The following EPHA6 variants were observed in gnomAD, a reference collection of about 807,000 sequenced individuals.
EPHA6 encodes the protein ephrin type-A receptor 6.
In EPHA6, 50 loss-of-function variants were observed where a neutral mutation model predicts 112.0. That is an observed-to-expected ratio of 0.45 (90% CI 0.36 to 0.56). EPHA6 has a LOEUF of 0.56. Ranked by LOEUF, EPHA6 falls within the 20% of genes least tolerant of loss-of-function variation. The pLI, the probability that EPHA6 is intolerant of heterozygous loss-of-function variation, is 0.00. For missense variants in EPHA6, 1,280 were observed against 1,417.4 expected (o/e 0.90, Z 1.56); for synonymous variants, 529 against 490.7 (o/e 1.08, Z -1.03).
At chr3:97,614,226 A>ATTT (rs2093744239) in intron 13 of EPHA6, among the ~76,000 whole-genome samples, 1 of 152,084 alleles carries the variant, frequency 6.6e-6, no homozygotes, top group Non-Finnish European at 1.5e-5. Context: ...ACATTTGTTG[A>ATTT]ATGTTAATTT....
chr3:96,943,274 G>A (rs891133941), intron 2 of EPHA6, among the ~76,000 whole-genome samples: 1 of 151,810 alleles, frequency 6.6e-6, no homozygotes, highest in Non-Finnish European at 1.5e-5. Flanking sequence ...CTAGAAGGGA[G>A]GATTTTGTAT....
chr3:96,839,094 T>G (rs1338981690), intron 1 of EPHA6, among the ~76,000 whole-genome samples: 1 of 152,164 alleles, frequency 6.6e-6, no homozygotes, highest in Non-Finnish European at 1.5e-5. Context: ...AACTATAAAT[T>G]GGAAATCCAA....
intron 5 of EPHA6, among the ~76,000 whole-genome samples, chr3:97,320,408 G>T (rs990795435): frequency 2.3e-4 from 35 of 151,652 alleles, no homozygotes; most frequent in Middle Eastern, 3.2e-3. Context: ...AAATGTAATT[G>T]GGGGTCTGAA....
intron 1 of EPHA6, among the ~76,000 whole-genome samples, chr3:96,841,197 AG>A (rs750553377): frequency 1.3e-5 from 2 of 152,130 alleles, no homozygotes; most frequent in Non-Finnish European, 2.9e-5. Flanking sequence ...GGGGACTTCC[AG>A]GTAATAGGTA....
intron 2 of EPHA6, among the ~76,000 whole-genome samples, chr3:96,876,927 C>T (rs1486480975): frequency 6.6e-6 from 1 of 152,038 alleles, no homozygotes; most frequent in Non-Finnish European, 1.5e-5. Context: ...CATATCATAG[C>T]ATTTATCTCA....
chr3:97,574,804 T>C (rs539215781), intron 11 of EPHA6, among the ~76,000 whole-genome samples: 2 of 152,108 alleles, frequency 1.3e-5, no homozygotes, highest in South Asian at 2.1e-4. Context: ...GCCAGTGATA[T>C]GTTAATTAAA....
intron 2 of EPHA6, among the ~76,000 whole-genome samples, chr3:96,888,241 C>T (rs886723196): frequency 1.2e-4 from 19 of 152,270 alleles, no homozygotes; most frequent in African/African-American, 3.8e-4. Context: ...GGCGACCCAG[C>T]GAGCTCACAG....
chr3:96,890,910 AC>A (rs1462196895), intron 2 of EPHA6, among the ~76,000 whole-genome samples: 7 of 152,120 alleles, frequency 4.6e-5, no homozygotes, highest in African/African-American at 1.7e-4. Context: ...ACATGGTGAA[AC>A]CCTGTCTCTA....
At chr3:97,409,145 A>G (rs570564811) in intron 6 of EPHA6, among the ~76,000 whole-genome samples, 1 of 152,106 alleles carries the variant, frequency 6.6e-6, no homozygotes, top group African/African-American at 2.4e-5. Context: ...AGCCAGCAAG[A>G]CTTTCTGTTT....
chr3:97,641,950 G>C (rs1365720045), intron 14 of EPHA6, among the ~76,000 whole-genome samples: 1 of 150,376 alleles, frequency 6.6e-6, no homozygotes, highest in Non-Finnish European at 1.5e-5. Context: ...AGCTCAAGGA[G>C]GCCTGCCTGC....
intron 5 of EPHA6, among the ~76,000 whole-genome samples, chr3:97,358,965 G>T (rs904177550): frequency 6.7e-6 from 1 of 149,432 alleles, no homozygotes; most frequent in African/African-American, 2.5e-5. Flanking sequence ...CTTCTCTTTT[G>T]CTATTTATAA....
chr3:97,677,937 G>T (rs1009211568), intron 14 of EPHA6, among the ~76,000 whole-genome samples: 2 of 151,954 alleles, frequency 1.3e-5, no homozygotes, highest in Non-Finnish European at 2.9e-5. Context: ...GAATTAAGGG[G>T]ACATTAATTC....
At chr3:97,284,018 T>G (rs2080379927) in intron 5 of EPHA6, among the ~76,000 whole-genome samples, 1 of 152,190 alleles carries the variant, frequency 6.6e-6, no homozygotes, top group Non-Finnish European at 1.5e-5. Flanking sequence ...ATAAAGTTTT[T>G]TCACAAATTC....
rs529812956 is a variant in EPHA6, at chr3:96,985,199, C to T, written c.451-2131C>T. ...ATTCAGCCATCTTGGAAACACCCCC[C>T]GGAATATAATTCTTTACTCCTATAT... On this transcript the variant is annotated intron_variant, in intron 2 of 17. Coordinates refer to ENST00000389672, the MANE Select transcript of EPHA6 (RefSeq NM_001080448.3). 2.6e-4 allele frequency among the ~76,000 whole-genome samples: 39 copies of T among 152,088 alleles called. No homozygotes were observed. The South Asian group carries it at 3.7e-3, about 15-fold the overall frequency.
chr3:97,231,839 G>A lies in EPHA6; in HGVS notation c.1270+5420G>A, dbSNP rs940807534. On this transcript the variant is annotated intron_variant, in intron 4 of 17. Coordinates refer to ENST00000389672, the MANE Select transcript of EPHA6 (RefSeq NM_001080448.3). ...CTGGGCTTGGTGATGACTTATAGTCGTTTCTTTTTTCCAGTGGTTAATTTT... is the reference window on the plus strand; with the variant it reads ...CTGGGCTTGGTGATGACTTATAGTCATTTCTTTTTTCCAGTGGTTAATTTT... Among the ~76,000 whole-genome samples, 6 of 152,294 alleles carry A rather than the reference G, an allele frequency of 3.9e-5. No individual in the cohort carries two copies. In the South Asian group the frequency reaches 8.3e-4, roughly 21 times the overall value.
chr3:97,663,589 G>GT (rs1560243905), intron 14 of EPHA6, among the ~76,000 whole-genome samples: 1 of 150,034 alleles, frequency 6.7e-6, no homozygotes, highest in Non-Finnish European at 1.5e-5. Context: ...GTGGTGTTTG[G>GT]TTTTTTGTCC....
intron 15 of EPHA6, among the ~76,000 whole-genome samples, chr3:97,731,041 G>T (rs559857695): frequency 2.0e-5 from 3 of 152,080 alleles, no homozygotes; most frequent in Non-Finnish European, 4.4e-5. Flanking sequence ...TCATTGTATC[G>T]TGGGGGATGA....
chr3:97,182,036 G>T (rs541208030), intron 3 of EPHA6, among the ~76,000 whole-genome samples: 3 of 152,162 alleles, frequency 2.0e-5, no homozygotes, highest in African/African-American at 4.8e-5. Flanking sequence ...AAAGGTTGTT[G>T]CAGATGAATC....
At chr3:97,609,366 A>G (rs1459485891) in intron 12 of EPHA6, among the ~76,000 whole-genome samples, 1 of 151,444 alleles carries the variant, frequency 6.6e-6, no homozygotes, top group Non-Finnish European at 1.5e-5. Context: ...GCCAAATAAA[A>G]GATTTCATGA....
Sources: gnomAD v4.1 joint callset for allele counts (sites outside exome capture counted in the v4.1 genomes callset) on GRCh38, gnomAD v4.1.1 for gene constraint, MANE v1.5 for transcripts, NCBI Gene and HGNC (gene_info 2026-07-23, HGNC 2026-07-21) for gene names.